MYBPC3: variants seen among roughly 807,000 people sequenced by gnomAD.
The protein encoded by MYBPC3 is myosin-binding protein C, cardiac-type.
MYBPC3 carries 108 observed loss-of-function variants against 159.3 expected under a neutral mutation model. That is an observed-to-expected ratio of 0.68 (90% CI 0.58 to 0.80). The LOEUF is 0.80. Among genes scored for constraint, MYBPC3 ranks in the 30% least tolerant of loss-of-function variants. The probability of loss-of-function intolerance (pLI) is 0.00; values close to 1 mark genes in which losing one functional copy is unlikely to be tolerated. For missense variants in MYBPC3, 1,631 were observed against 1,762.1 expected (o/e 0.93, Z 1.33); for synonymous variants, 730 against 702.0 (o/e 1.04, Z -0.63).
Position 47,331,911 on chromosome 11 carries a change from C to T in MYBPC3, c.3815-30G>A, listed in dbSNP as rs1264045485. 2.5e-6 allele frequency: 4 copies of T among 1,607,836 alleles called. No homozygotes were observed. In the South Asian group the frequency reaches 3.3e-5, roughly 13 times the overall value. The stretch of plus-strand genomic sequence containing the variant: ...AGAAGAGGAGGCCATGTCACTGTGT[C>T]CTCCCAGCCTTCTGGAAGCTATTGC... On this transcript the variant is annotated intron_variant, in intron 33 of 34. Coordinates refer to ENST00000545968, the MANE Select transcript of MYBPC3 (RefSeq NM_000256.3).
At position 47,335,043 on chromosome 11, in the gene MYBPC3, C is replaced by T; in HGVS notation, c.2904G>A (p.Leu968=). The T allele has an allele frequency of 2.0e-6, 3 of 1,536,140 alleles. No individual in the cohort carries two copies. Among genetic ancestry groups the T allele is most frequent in the Non-Finnish European group, 1.8e-6 (2 of 1,135,058 alleles). ...TTEPVTVQEI[L]QRPRLQLPRH... ...GTGACTGCACAAAGGGGCACTCACG[C>T]AGGATCTCCTGCACTGTCACCGGCT... The change falls in exon 27 of 35, where the codon CTG becomes CTA. Residue 968 remains leucine, a splice_region_variant and synonymous_variant. Transcript: ENST00000545968.
Position 47,338,786 on chromosome 11 carries a change from G to A in MYBPC3, c.2149-107C>T. Reference sequence around the variant, plus strand: ...GGGGTCCATGGGGGGAACACAGCCTGTGGGAAGACTGCATCCACGTCAGCA... The same window carrying A: ...GGGGTCCATGGGGGGAACACAGCCTATGGGAAGACTGCATCCACGTCAGCA... On this transcript the variant is annotated intron_variant, in intron 22 of 34. Transcript: ENST00000545968. The surrounding 1 kb of genome is among the most constrained non-coding windows in gnomAD (Gnocchi z 4.7). 7.7e-7 allele frequency: 1 copy of A among 1,302,910 alleles called. No individual in the cohort carries two copies. The allele number at this position is 1,302,910 out of a possible 1,614,324, so 80.7% of individuals were successfully genotyped here.
At chr11:47,349,658 C>T in intron 5 of MYBPC3, 116 bp downstream of exon 5, 1 of 1,394,962 alleles carries the variant, frequency 7.2e-7, no homozygotes, top group Non-Finnish European at 9.5e-7. Context: ...TCCCCACACC[C>T]CTTGCTTGCA....
At chr11:47,345,213 C>T (rs2095892957) in intron 12 of MYBPC3, among the ~76,000 whole-genome samples, 2 of 152,234 alleles carry the variant, frequency 1.3e-5, no homozygotes, top group Non-Finnish European at 2.9e-5. Flanking sequence ...TTGCTTGGTG[C>T]CCTCTGGGCT....
Position 47,350,483 on chromosome 11 carries a change from C to T in MYBPC3, c.406+19G>A, listed in dbSNP as rs2095899565. The T allele has an allele frequency of 6.5e-6, 10 of 1,548,052 alleles. No homozygotes were observed. Among genetic ancestry groups the T allele is most frequent in the Non-Finnish European group, 8.7e-6 (10 of 1,148,230 alleles). ...GCCCTACCCACGGATCCTGCCCCTC[C>T]CTGCCCAGCCCCTCTCACCTTTGGG... On this transcript the variant is annotated intron_variant, in intron 3 of 34. Coordinates refer to ENST00000545968, the MANE Select transcript of MYBPC3 (RefSeq NM_000256.3).
chr11:47,337,676 G>T lies in MYBPC3; in HGVS notation c.2413+14C>A. 1 of 1,592,112 alleles carries T rather than the reference G, an allele frequency of 6.3e-7. No individual in the cohort carries two copies. Among genetic ancestry groups the T allele is most frequent in the Non-Finnish European group, 8.6e-7 (1 of 1,169,178 alleles). ...TGGCGCCCTCACACCTCCATCCGGT[G>T]CCCTTGCACTCACCCAGGATGGGCT... On this transcript the variant is annotated intron_variant, in intron 24 of 34. Transcript: ENST00000545968.
intron 12 of MYBPC3, among the ~76,000 whole-genome samples, chr11:47,344,530 C>T (rs921543501): frequency 3.9e-5 from 6 of 152,286 alleles, no homozygotes; most frequent in African/African-American, 1.4e-4. Context: ...TGCTGCTGAG[C>T]CCAGGGAGGA....
rs570255050 is a variant in MYBPC3, at chr11:47,337,126, A to G, written c.2602+265T>C. 3.9e-5 allele frequency among the ~76,000 whole-genome samples: 6 copies of G among 152,320 alleles called. No homozygotes were observed. The East Asian group carries it at 1.2e-3, about 29-fold the overall frequency. On this transcript the variant is annotated intron_variant, in intron 25 of 34. Transcript: ENST00000545968. ...CATTATTCCCATTTTGTAGACATGG[A>G]AAGAGAGGCTTGAAACGTGAACTAG...
At chr11:47,337,360 C>T in intron 25 of MYBPC3, 31 bp downstream of exon 25, 10 of 1,455,234 alleles carry the variant, frequency 6.9e-6, no homozygotes, top group South Asian at 2.5e-5. Context: ...GGGGAGGGGG[C>T]GGGGGGCAGG....
In MYBPC3 at chr11:47,332,805, G is replaced by A. The variant is rs1237933291; in HGVS notation, c.3490+9C>T. ...CCAGCCCCTGGTTGGAAGAATGAGG[G>A]TACAGCACCTGGTCTGGGGATAAAG... is the stretch of plus-strand genomic sequence containing the variant. On this transcript the variant is annotated intron_variant, in intron 31 of 34. Transcript: ENST00000545968. The surrounding 1 kb of genome is among the most constrained non-coding windows in gnomAD (Gnocchi z 4.2). 2.5e-6 allele frequency: 4 copies of A among 1,602,304 alleles called. No individual in the cohort carries two copies. The highest frequency in any genetic ancestry group is 3.4e-5 in the Admixed American group (2 of 58,102).
rs11570052 is a variant in MYBPC3, at chr11:47,349,863, C to T, written c.565G>A (p.Val189Ile). 4,062 of 1,612,566 alleles carry T rather than the reference C, an allele frequency of 2.5e-3. 21 individuals carry two copies. Among genetic ancestry groups the T allele is most frequent in the Middle Eastern group, 0.013 (79 of 6,056 alleles). ...ACCCATTTGCCCTTGAACCACTTGA[C>T]CACAGGCGGCTTCAGGAGGCTGGCG... ...AGASLLKPPV[V>I]KWFKGKWVDL... The change falls in exon 5 of 35, where the codon GTC becomes ATC. Residue 189 changes from valine to isoleucine, a missense_variant. Transcript: ENST00000545968.
chr11:47,344,935 C>CAA (rs2095892683), intron 12 of MYBPC3, among the ~76,000 whole-genome samples: 1 of 152,132 alleles, frequency 6.6e-6, no homozygotes, highest in African/African-American at 2.4e-5. Context: ...GGATTACAGG[C>CAA]GCCTGCCACC....
intron 14 of MYBPC3, 29 bp downstream of exon 14, chr11:47,343,231 C>T (rs369671269): frequency 3.2e-6 from 5 of 1,573,234 alleles, no homozygotes; most frequent in African/African-American, 2.7e-5. Context: ...CTGTGCCCCC[C>T]ACCCCAAGCC....
In MYBPC3 at chr11:47,346,347, G is replaced by A. The variant is rs1281956829; in HGVS notation, c.950C>T (p.Ala317Val). 2 of 1,602,852 alleles carry A rather than the reference G, an allele frequency of 1.2e-6. No individual in the cohort carries two copies. Among genetic ancestry groups the A allele is most frequent in the Non-Finnish European group, 8.5e-7 (1 of 1,173,684 alleles). Residue 317 changes from alanine (A) to valine (V), a missense_variant, in exon 12 of 35, where the codon GCA becomes GTA. Coordinates refer to ENST00000545968, the MANE Select transcript of MYBPC3 (RefSeq NM_000256.3). The surrounding 1 kb of genome is among the most constrained non-coding windows in gnomAD (Gnocchi z 5.3). ...TPRDSKLEAP[A>V]EEDVWEILRQ... is the part of the protein sequence containing the mutation. Reference sequence around the variant, plus strand: ...TAGGATCTCCCACACGTCCTCCTCTGCTGGTGCCTCCAGCTTCGAGTCCCT... The same window carrying A: ...TAGGATCTCCCACACGTCCTCCTCTACTGGTGCCTCCAGCTTCGAGTCCCT...
At position 47,351,324 on chromosome 11, in the gene MYBPC3, C is replaced by G. The variant is rs397515946; in HGVS notation, c.207G>C (p.Arg69=). The G allele has an allele frequency of 3.8e-5, 61 of 1,591,004 alleles. No homozygotes were observed. The Admixed American group carries it at 7.2e-4, about 19-fold the overall frequency. The change falls in exon 2 of 35, where the codon CGG becomes CGC. Residue 69 remains arginine, a synonymous_variant. Transcript: ENST00000545968. This position sits in a 1 kb window ranked among gnomAD's most constrained non-coding sequence, Gnocchi z 4.2. ...ATCCCTGGTCGGCAGGGCCCACTTC[C>G]CGCACTGTCAGCGTATGCCGTGTGC... ...TEGTRHTLTV[R]EVGPADQGSY...
chr11:47,339,071 GAGCCAGGGAGC>G (rs920977720), intron 22 of MYBPC3, among the ~76,000 whole-genome samples: 86 of 152,196 alleles, frequency 5.7e-4, no homozygotes, highest in African/African-American at 1.8e-3. Context: ...AGGATGAAGG[GAGCCAGGGAGC>G]AGCCCAGTCA....
chr11:47,342,276 G>T, intron 17 of MYBPC3, 120 bp from the exon 18 acceptor site: 1 of 1,246,004 alleles, frequency 8.0e-7, no homozygotes, highest in Non-Finnish European at 1.1e-6. Flanking sequence ...ATGTGGGCAT[G>T]TGAAAACACG....
At chr11:47,333,384 G>T in intron 29 of MYBPC3, 51 bp from the exon 30 acceptor site, 1 of 1,511,540 alleles carries the variant, frequency 6.6e-7, no homozygotes. Context: ...CAGTGAGCAG[G>T]GGGTCACTGG....
intron 25 of MYBPC3, chr11:47,336,234 T>C: frequency 2.8e-6 from 1 of 354,962 alleles, no homozygotes; most frequent in Non-Finnish European, 5.0e-6. Context: ...ACGCCTGTAA[T>C]CCCAGCACTT....
Sources: allele counts gnomAD v4.1 joint callset (sites outside exome capture counted in the v4.1 genomes callset), GRCh38; gene constraint gnomAD v4.1.1; non-coding constraint Gnocchi (gnomAD v3.1); transcripts MANE v1.5; gene names NCBI Gene and HGNC (gene_info 2026-07-23, HGNC 2026-07-21).